Variants in C2orf76 observed in about 807,000 individuals in gnomAD.
The protein encoded by C2orf76 is chromosome 2 open reading frame 76, also known as UPF0538 protein C2orf76.
In C2orf76, 23 loss-of-function variants were observed where a neutral mutation model predicts 16.9. The ratio of observed to expected loss-of-function variants is 1.36; its 90% CI spans 0.98 to 1.93. C2orf76 has a LOEUF of 1.93. Ranked by LOEUF, C2orf76 falls within the 30% of genes most tolerant of loss-of-function variation. C2orf76 has a pLI of 0.00. For missense variants in C2orf76, 152 were observed against 152.6 expected, an observed-to-expected ratio of 1.00 and a Z score of 0.02; for synonymous variants, 48 against 52.3, an observed-to-expected ratio of 0.92 and a Z score of 0.35.
At chr2:119,298,839 C>T (rs981513856), downstream of C2orf76, among the ~76,000 whole-genome samples, 1 of 152,144 alleles carries the variant, frequency 6.6e-6, no homozygotes, top group Non-Finnish European at 1.5e-5. Flanking sequence ...GAATGTTTTG[C>T]CTACTCCTTT....
intron 5 of C2orf76, among the ~76,000 whole-genome samples, chr2:119,308,262 G>T (rs1311118804): frequency 6.6e-6 from 1 of 152,216 alleles, no homozygotes; most frequent in African/African-American, 2.4e-5. Flanking sequence ...AGCACCTCAA[G>T]AAACCATTTC....
At chr2:119,314,020 T>TTTG (rs905657075) in intron 4 of C2orf76, among the ~76,000 whole-genome samples, 7 of 147,920 alleles carry the variant, frequency 4.7e-5, no homozygotes, top group African/African-American at 1.8e-4. Flanking sequence ...AGTGGTTTTT[T>TTTG]TTTTTTTTTT....
intron 5 of C2orf76, chr2:119,311,180 A>T: frequency 2.0e-6 from 2 of 985,438 alleles, no homozygotes; most frequent in Non-Finnish European, 2.4e-6. Context: ...TTTAAATTCC[A>T]TGCCTTGGTG....
At chr2:119,358,515 T>C (rs989091332) in intron 1 of C2orf76, among the ~76,000 whole-genome samples, 3 of 149,884 alleles carry the variant, frequency 2.0e-5, no homozygotes, top group East Asian at 2.0e-4. Context: ...GAGGTGCAGA[T>C]TGCAGTGAGC....
chr2:119,352,102 G>A (rs1370124181), intron 1 of C2orf76, among the ~76,000 whole-genome samples: 2 of 152,174 alleles, frequency 1.3e-5, no homozygotes, highest in African/African-American at 4.8e-5. Context: ...AGTTAACATG[G>A]AGAAGACCCT....
At chr2:119,317,576 G>C (rs1679212464) in intron 3 of C2orf76, 73 bp from the exon 4 acceptor site, 2 of 1,250,698 alleles carry the variant, frequency 1.6e-6, no homozygotes, top group African/African-American at 1.5e-5. Context: ...AAAATGGGTG[G>C]AGGGTGGCTA....
chr2:119,337,256 A>G (rs1490060552), intron 2 of C2orf76, among the ~76,000 whole-genome samples: 2 of 149,636 alleles, frequency 1.3e-5, no homozygotes, highest in East Asian at 2.0e-4. Context: ...TTTTTTGGAG[A>G]GACAGGGTCT....
At chr2:119,336,614 T>C (rs1218219529) in intron 2 of C2orf76, among the ~76,000 whole-genome samples, 1 of 151,998 alleles carries the variant, frequency 6.6e-6, no homozygotes, top group Non-Finnish European at 1.5e-5. Context: ...AACCTGTGGA[T>C]GGCAAAACAT....
At chr2:119,282,889 G>A in the C2orf76 span, among the ~76,000 whole-genome samples, 3 of 152,174 alleles carry the variant, frequency 2.0e-5, no homozygotes, top group African/African-American at 2.4e-5. Context: ...AACCACCCCC[G>A]CTTCACTCTT....
intron 5 of C2orf76, among the ~76,000 whole-genome samples, chr2:119,305,971 G>A (rs749194827): frequency 6.7e-6 from 1 of 150,234 alleles, no homozygotes; most frequent in South Asian, 2.1e-4. Context: ...AAAAAACCTC[G>A]GTCTTTGATA....
chr2:119,331,591 C>T (rs1308249073), intron 2 of C2orf76, among the ~76,000 whole-genome samples: 11 of 152,168 alleles, frequency 7.2e-5, no homozygotes. Flanking sequence ...CTCCAGGGTC[C>T]ACTCCAGACT....
the C2orf76 span, among the ~76,000 whole-genome samples, chr2:119,286,009 C>T: frequency 5.9e-5 from 9 of 151,928 alleles, no homozygotes; most frequent in Admixed American, 5.9e-4. Flanking sequence ...GGGCGGATCA[C>T]GAGGTCAAGA....
intron 1 of C2orf76, among the ~76,000 whole-genome samples, chr2:119,361,405 A>G (rs544463748): frequency 8.5e-5 from 13 of 152,328 alleles, no homozygotes; most frequent in Admixed American, 2.0e-4. Flanking sequence ...TCAGCCCTCC[A>G]TATCTGTGGG....
intron 2 of C2orf76, among the ~76,000 whole-genome samples, chr2:119,324,287 C>T (rs1679440403): frequency 6.6e-6 from 1 of 152,198 alleles, no homozygotes; most frequent in Non-Finnish European, 1.5e-5. Context: ...CTATTCTCTT[C>T]CTGCCTTTAC....
chr2:119,298,896 C>T (rs991872523), downstream of C2orf76, among the ~76,000 whole-genome samples: 1 of 152,174 alleles, frequency 6.6e-6, no homozygotes, highest in African/African-American at 2.4e-5. Flanking sequence ...TACAATAAGA[C>T]TTGCAGAAAC....
At chr2:119,342,893 G>A (rs768478830) in intron 1 of C2orf76, among the ~76,000 whole-genome samples, 9 of 151,800 alleles carry the variant, frequency 5.9e-5, no homozygotes, top group Non-Finnish European at 8.8e-5. Flanking sequence ...CGTCAGCCTC[G>A]TGAGTAGCTG....
chr2:119,305,942 C>CAAAAAAAAA (rs61325292), intron 5 of C2orf76, among the ~76,000 whole-genome samples: 7 of 119,686 alleles, frequency 5.8e-5, no homozygotes, highest in East Asian at 4.6e-4. Flanking sequence ...AAAACAACAA[C>CAAAAAAAAA]AAAAAAAAAA....
At chr2:119,310,547 T>A (rs6753601) in intron 5 of C2orf76, among the ~76,000 whole-genome samples, 1 of 151,824 alleles carries the variant, frequency 6.6e-6, no homozygotes, top group Non-Finnish European at 1.5e-5. Flanking sequence ...AAATAATACT[T>A]GTCAAAAAAA....
the C2orf76 span, among the ~76,000 whole-genome samples, chr2:119,285,982 C>T: frequency 6.6e-6 from 1 of 152,118 alleles, no homozygotes; most frequent in Non-Finnish European, 1.5e-5. Flanking sequence ...AATCCCAGCA[C>T]TTTGGGAGGC....
Sources: allele counts gnomAD v4.1 joint callset (sites outside exome capture counted in the v4.1 genomes callset), GRCh38; gene constraint gnomAD v4.1.1; transcripts MANE v1.5; gene names NCBI Gene and HGNC (gene_info 2026-07-23, HGNC 2026-07-21).